The following OR10R2 variants were observed in gnomAD, a reference collection of about 807,000 sequenced individuals.
OR10R2 encodes the protein olfactory receptor 10R2.
Under a neutral mutation model 2.4 loss-of-function variants are expected in OR10R2, and 1 was observed. That is an observed-to-expected ratio of 0.41 (90% CI 0.15 to 1.95). The LOEUF (loss-of-function observed/expected upper bound fraction) is 1.95. OR10R2 is among the 30% of genes most tolerant of loss of function. OR10R2 has a pLI of 0.30. For synonymous variants in OR10R2, 166 were observed against 144.8 expected (o/e 1.15, Z -1.05); for missense variants, 419 against 373.0 (o/e 1.12, Z -1.01).
exon 2 of OR10R2, chr1:158,480,676 G>A (rs1557877276): frequency 6.2e-7 from 1 of 1,613,840 alleles, no homozygotes; most frequent in Non-Finnish European, 8.5e-7. Flanking sequence ...TCACCTCAGT[G>A]TTGTTATTGT....
intron 1 of OR10R2, among the ~76,000 whole-genome samples, chr1:158,477,110 T>C (rs1232016768): frequency 1.3e-5 from 2 of 152,186 alleles, no homozygotes; most frequent in Non-Finnish European, 2.9e-5. Flanking sequence ...TCTCAATAGA[T>C]GCAGAAAATT....
At chr1:158,476,099 A>C (rs1013393747) in intron 1 of OR10R2, among the ~76,000 whole-genome samples, 10 of 152,228 alleles carry the variant, frequency 6.6e-5, no homozygotes, top group African/African-American at 2.2e-4. Flanking sequence ...ATTTTATTTT[A>C]CATTATATTT....
At chr1:158,477,625 T>TA (rs1250984177) in intron 1 of OR10R2, among the ~76,000 whole-genome samples, 1 of 151,974 alleles carries the variant, frequency 6.6e-6, no homozygotes, top group Non-Finnish European at 1.5e-5. Flanking sequence ...CAAGGAGAAC[T>TA]AAAAAACACT....
chr1:158,480,168 T>G, exon 2 of OR10R2: 1 of 1,614,100 alleles, frequency 6.2e-7, no homozygotes, highest in Non-Finnish European at 8.5e-7. Context: ...CCTTTGTCAT[T>G]CTACCCAAGA....
chr1:158,473,246 T>C (rs1369483544), intron 1 of OR10R2, among the ~76,000 whole-genome samples: 2 of 152,164 alleles, frequency 1.3e-5, no homozygotes, highest in Non-Finnish European at 2.9e-5. Context: ...GTTAGAGAGA[T>C]GTATATAAAT....
At chr1:158,473,493 A>G (rs1212225259) in intron 1 of OR10R2, among the ~76,000 whole-genome samples, 2 of 152,356 alleles carry the variant, frequency 1.3e-5, no homozygotes, top group East Asian at 1.9e-4. Flanking sequence ...TTAAATTGAA[A>G]TAGTGCTTGG....
At chr1:158,478,487 T>G (rs1017559417) in intron 1 of OR10R2, among the ~76,000 whole-genome samples, 1 of 152,210 alleles carries the variant, frequency 6.6e-6, no homozygotes, top group Non-Finnish European at 1.5e-5. Context: ...TTGTCTTCTC[T>G]TATACTAAGA....
chr1:158,472,824 G>T (rs886750842), intron 1 of OR10R2, among the ~76,000 whole-genome samples: 2 of 152,112 alleles, frequency 1.3e-5, no homozygotes, highest in Admixed American at 1.3e-4. Context: ...AGATATTGCA[G>T]AATGGTCAAA....
At chr1:158,480,922 C>G (rs557573232) in exon 2 of OR10R2, 2 of 947,930 alleles carry the variant, frequency 2.1e-6, no homozygotes, top group East Asian at 2.7e-5. Context: ...ATAAATAATG[C>G]CTTTTTATCA....
At chr1:158,476,830 AT>A (rs1162924483) in intron 1 of OR10R2, among the ~76,000 whole-genome samples, 1 of 152,088 alleles carries the variant, frequency 6.6e-6, no homozygotes, top group African/African-American at 2.4e-5. Context: ...TCTGATGATT[AT>A]TGATGATGAG....
chr1:158,476,481 G>A (rs2101673401), intron 1 of OR10R2, among the ~76,000 whole-genome samples: 1 of 148,248 alleles, frequency 6.7e-6, no homozygotes, highest in African/African-American at 2.5e-5. Flanking sequence ...CCGGGAGGCG[G>A]AGCTTGCAGT....
chr1:158,476,963 G>T (rs1016854833), intron 1 of OR10R2, among the ~76,000 whole-genome samples: 3 of 152,072 alleles, frequency 2.0e-5, no homozygotes, highest in African/African-American at 7.2e-5. Flanking sequence ...GTTTCTTAAA[G>T]ATTCTGAATA....
At chr1:158,477,276 A>G (rs542336726) in intron 1 of OR10R2, among the ~76,000 whole-genome samples, 99 of 152,316 alleles carry the variant, frequency 6.5e-4, no homozygotes, top group Non-Finnish European at 1.3e-3. Flanking sequence ...AACTGAAACA[A>G]CACAAGGATA....
chr1:158,477,391 T>C (rs957687860), intron 1 of OR10R2, among the ~76,000 whole-genome samples: 3 of 152,196 alleles, frequency 2.0e-5, no homozygotes, highest in Admixed American at 6.5e-5. Context: ...TTATTCCATA[T>C]CTAGAAAACT....
chr1:158,480,143 C>G, exon 2 of OR10R2: 1 of 1,613,988 alleles, frequency 6.2e-7, no homozygotes, highest in Non-Finnish European at 8.5e-7. Flanking sequence ...CTCTCAACAT[C>G]TGAGACCTTC....
chr1:158,479,193 A>G (rs907071770), intron 1 of OR10R2, among the ~76,000 whole-genome samples: 1 of 152,192 alleles, frequency 6.6e-6, no homozygotes, highest in African/African-American at 2.4e-5. Flanking sequence ...TGATTAAACT[A>G]GACACATTTG....
intron 1 of OR10R2, chr1:158,474,333 G>A (rs1656231335): frequency 6.6e-6 from 1 of 152,098 alleles, no homozygotes; most frequent in African/African-American, 2.4e-5. Flanking sequence ...AACAGGAGTG[G>A]AGGTAAAAAT....
intron 1 of OR10R2, among the ~76,000 whole-genome samples, chr1:158,477,585 G>A (rs1392513834): frequency 6.6e-6 from 1 of 151,926 alleles, no homozygotes; most frequent in Non-Finnish European, 1.5e-5. Context: ...ATCTAGAAAT[G>A]CACCTAATAA....
chr1:158,475,033 A>G (rs979021344), intron 1 of OR10R2, among the ~76,000 whole-genome samples: 7 of 152,192 alleles, frequency 4.6e-5, no homozygotes, highest in Non-Finnish European at 1.0e-4. Context: ...ATAAATTAAT[A>G]CATTTAATAA....
Sources: gnomAD v4.1 joint callset for allele counts (sites outside exome capture counted in the v4.1 genomes callset) on GRCh38, gnomAD v4.1.1 for gene constraint, MANE v1.5 for transcripts, NCBI Gene and HGNC (gene_info 2026-07-23, HGNC 2026-07-21) for gene names.